The following GRID2 variants were observed in gnomAD, a reference collection of about 807,000 sequenced individuals.
GRID2 encodes glutamate ionotropic receptor delta type subunit 2, also known as glutamate receptor ionotropic, delta-2.
A neutral mutation model predicts 114.8 loss-of-function variants in GRID2; 33 were observed. The ratio of observed to expected loss-of-function variants is 0.29; its 90% confidence interval spans 0.22 to 0.38. GRID2 has a LOEUF of 0.38. GRID2 is among the 10% of genes least tolerant of loss of function. GRID2 has a pLI of 1.00. For synonymous variants in GRID2, 505 were observed against 449.9 expected (o/e 1.12, Z -1.55); for missense variants, 1,184 against 1,257.7 (o/e 0.94, Z 0.89).
intron 4 of GRID2, among the ~76,000 whole-genome samples, chr4:93,140,868 G>A (rs1170444169): frequency 1.3e-5 from 2 of 152,134 alleles, no homozygotes; most frequent in Non-Finnish European, 2.9e-5. Context: ...AGGTAATGCT[G>A]TTTTTGCACT....
At chr4:93,660,096 G>A (rs1486497099) in intron 14 of GRID2, among the ~76,000 whole-genome samples, 1 of 151,628 alleles carries the variant, frequency 6.6e-6, no homozygotes, top group Non-Finnish European at 1.5e-5. Flanking sequence ...AATTACAGTT[G>A]AATTTAAGAA....
chr4:92,732,615 G>C (rs1736381618), intron 2 of GRID2, among the ~76,000 whole-genome samples: 1 of 151,972 alleles, frequency 6.6e-6, no homozygotes, highest in Non-Finnish European at 1.5e-5. Context: ...TTATTACAGA[G>C]TTACATATGA....
At chr4:92,943,151 A>G (rs1560727771) in intron 2 of GRID2, among the ~76,000 whole-genome samples, 1 of 152,142 alleles carries the variant, frequency 6.6e-6, no homozygotes, top group Non-Finnish European at 1.5e-5. Flanking sequence ...CCTGGATAAT[A>G]TCCTGCAGGG....
intron 1 of GRID2, among the ~76,000 whole-genome samples, chr4:92,346,636 A>G (rs1010274535): frequency 1.3e-5 from 2 of 152,222 alleles, no homozygotes; most frequent in African/African-American, 4.8e-5. Context: ...GATTACAGGC[A>G]TGAGCCACCG....
chr4:92,863,669 A>G (rs921973234), intron 2 of GRID2, among the ~76,000 whole-genome samples: 1 of 152,108 alleles, frequency 6.6e-6, no homozygotes, highest in Non-Finnish European at 1.5e-5. Context: ...TATGAAAAAT[A>G]TGTCTTCATT....
chr4:93,638,194 A>G (rs1721589888), intron 14 of GRID2, among the ~76,000 whole-genome samples: 1 of 151,888 alleles, frequency 6.6e-6, no homozygotes, highest in East Asian at 1.9e-4. Flanking sequence ...CTGTCATTTT[A>G]TAAAGCTCTT....
chr4:92,836,155 A>G (rs1325213530), intron 2 of GRID2, among the ~76,000 whole-genome samples: 1 of 152,128 alleles, frequency 6.6e-6, no homozygotes, highest in African/African-American at 2.4e-5. Flanking sequence ...GTAACGACAG[A>G]GTTGAGTAGT....
intron 10 of GRID2, among the ~76,000 whole-genome samples, chr4:93,432,518 C>A (rs963570362): frequency 2.0e-5 from 3 of 152,002 alleles, no homozygotes; most frequent in Non-Finnish European, 4.4e-5. Context: ...TACGAAAGTT[C>A]TAGAATTTGA....
intron 4 of GRID2, among the ~76,000 whole-genome samples, chr4:93,169,729 T>C (rs1738612804): frequency 6.6e-6 from 1 of 152,216 alleles, no homozygotes. Context: ...CTGAATAGCT[T>C]ATTGTGGCTT....
intron 2 of GRID2, among the ~76,000 whole-genome samples, chr4:92,611,852 T>C (rs1729760943): frequency 6.6e-6 from 1 of 151,630 alleles, no homozygotes. Flanking sequence ...TTTTTGACAA[T>C]CTTATTTATT....
chr4:92,834,218 A>G (rs1280413371), intron 2 of GRID2, among the ~76,000 whole-genome samples: 1 of 152,162 alleles, frequency 6.6e-6, no homozygotes, highest in Non-Finnish European at 1.5e-5. Flanking sequence ...AATATCATCA[A>G]TATTTCCTTC....
intron 2 of GRID2, among the ~76,000 whole-genome samples, chr4:92,688,067 G>C (rs1366674463): frequency 7.4e-5 from 1 of 13,580 alleles, no homozygotes; most frequent in South Asian, 2.9e-3. Flanking sequence ...TTTTTTTTTT[G>C]GGATGGAGTT....
intron 8 of GRID2, among the ~76,000 whole-genome samples, chr4:93,314,733 C>T (rs541457694): frequency 5.8e-5 from 7 of 120,708 alleles, no homozygotes; most frequent in African/African-American, 2.3e-4. Flanking sequence ...ATGTACAACA[C>T]GATGATTTCA....
intron 1 of GRID2, among the ~76,000 whole-genome samples, chr4:92,471,760 A>C (rs1722044959): frequency 6.6e-6 from 1 of 151,798 alleles, no homozygotes; most frequent in South Asian, 2.1e-4. Context: ...TCTCACCCAC[A>C]CTTCCTGACT....
intron 14 of GRID2, among the ~76,000 whole-genome samples, chr4:93,684,387 A>G (rs545485595): frequency 1.1e-3 from 175 of 152,280 alleles, no homozygotes; most frequent in Non-Finnish European, 1.2e-3. Context: ...TTGACATAAT[A>G]TATTGATGCT....
intron 2 of GRID2, among the ~76,000 whole-genome samples, chr4:92,926,032 G>C (rs1051764113): frequency 5.3e-5 from 8 of 151,996 alleles, no homozygotes; most frequent in African/African-American, 1.7e-4. Context: ...AACATCAACA[G>C]TTGTCTGAGA....
chr4:93,154,945 T>C (rs544251135), intron 4 of GRID2, among the ~76,000 whole-genome samples: 4 of 152,086 alleles, frequency 2.6e-5, no homozygotes, highest in East Asian at 1.9e-4. Context: ...CTTACATTTA[T>C]ATTTTTTTGC....
At chr4:92,487,962 GATTT>G (rs1722973722) in intron 1 of GRID2, among the ~76,000 whole-genome samples, 1 of 151,962 alleles carries the variant, frequency 6.6e-6, no homozygotes, top group Non-Finnish European at 1.5e-5. Flanking sequence ...TAGATATTCT[GATTT>G]ATTTATTCTT....
At chr4:93,001,350 T>C (rs747579766) in intron 2 of GRID2, among the ~76,000 whole-genome samples, 19 of 151,644 alleles carry the variant, frequency 1.3e-4, no homozygotes, top group Non-Finnish European at 2.8e-4. Context: ...GATGATTATA[T>C]AAGCTTATGA....
Sources: gnomAD v4.1 joint callset for allele counts (sites outside exome capture counted in the v4.1 genomes callset) on GRCh38, gnomAD v4.1.1 for gene constraint, MANE v1.5 for transcripts, NCBI Gene and HGNC (gene_info 2026-07-23, HGNC 2026-07-21) for gene names.